SV2B: variants seen among roughly 807,000 people sequenced by gnomAD.
SV2B encodes the protein solute carrier family 22 member B2.
In SV2B, 41 loss-of-function variants were observed where a neutral mutation model predicts 73.9. The ratio of observed to expected loss-of-function variants is 0.56; its 90% CI spans 0.43 to 0.72. The LOEUF (loss-of-function observed/expected upper bound fraction) is 0.72. SV2B is among the 30% of genes least tolerant of loss of function. SV2B has a pLI of 0.00. For missense variants in SV2B, 764 were observed against 857.8 expected, an observed-to-expected ratio of 0.89 and a Z score of 1.37; for synonymous variants, 314 against 314.2, an observed-to-expected ratio of 1.00 and a Z score of 0.01.
Position 91,122,816 on chromosome 15 carries a change from G to A in SV2B, c.-392+22453G>A, listed in dbSNP as rs548576502. ...GGAATCTAAAAAAGTTGAGCTCATC[G>A]AAGTAGAGAGTGGAATGGTAGTTAC... On this transcript the variant is annotated intron_variant, in intron 1 of 12. Transcript: ENST00000394232. This position sits in a 1 kb window ranked among gnomAD's most constrained non-coding sequence, Gnocchi z 4.3. Among the ~76,000 whole-genome samples the A allele has an allele frequency of 3.3e-5, 5 of 152,308 alleles. No homozygotes were observed. Among genetic ancestry groups the A allele is most frequent in the African/African-American group, 9.6e-5 (4 of 41,560 alleles).
intron 1 of SV2B, among the ~76,000 whole-genome samples, chr15:91,206,201 C>CT (rs538615675): frequency 0.028 from 2,811 of 101,806 alleles, 139 homozygotes; most frequent in African/African-American, 0.057. Flanking sequence ...CCATGCCTGG[C>CT]TTTTTTTTTT....
At chr15:91,209,696 T>C (rs2045784823) in intron 1 of SV2B, among the ~76,000 whole-genome samples, 1 of 152,100 alleles carries the variant, frequency 6.6e-6, no homozygotes, top group Admixed American at 6.6e-5. Context: ...TCTCCAGGGG[T>C]ATGACGTTGG....
At chr15:91,135,175 T>C (rs896592857) in intron 1 of SV2B, among the ~76,000 whole-genome samples, 7 of 152,078 alleles carry the variant, frequency 4.6e-5, no homozygotes, top group Non-Finnish European at 1.0e-4. Context: ...ACTACAGATA[T>C]ACCGTGTATC....
At chr15:91,204,234 C>G (rs2045559396) in intron 1 of SV2B, among the ~76,000 whole-genome samples, 1 of 152,116 alleles carries the variant, frequency 6.6e-6, no homozygotes, top group South Asian at 2.1e-4. Flanking sequence ...GGGAGTCTAT[C>G]TGGTCTGGAG....
At chr15:91,194,931 G>A (rs1413127874) in intron 1 of SV2B, among the ~76,000 whole-genome samples, 6 of 152,028 alleles carry the variant, frequency 3.9e-5, no homozygotes, top group Non-Finnish European at 8.8e-5. Flanking sequence ...AGTTTGTCAC[G>A]TCCTCATTTC....
In SV2B at chr15:91,261,912, GT is replaced by G. The variant is rs2047921909; in HGVS notation, c.1008+1508del. On this transcript the variant is annotated intron_variant, in intron 6 of 12. Transcript: ENST00000394232. This position sits in a 1 kb window ranked among gnomAD's most constrained non-coding sequence, Gnocchi z 4.7. Reference sequence around the variant, plus strand: ...AGGCTATAGGCATCTTTGTGCACCCGTTTTTATAACTTCCCCTACTTCAAAT... The same window carrying G: ...AGGCTATAGGCATCTTTGTGCACCCGTTTTATAACTTCCCCTACTTCAAAT... Among the ~76,000 whole-genome samples the G allele has an allele frequency of 6.6e-6, 1 of 152,154 alleles. No individual in the cohort carries two copies. The highest frequency in any genetic ancestry group is 2.1e-4 in the South Asian group (1 of 4,836).
At chr15:91,186,590 T>C (rs2044780570) in intron 1 of SV2B, among the ~76,000 whole-genome samples, 1 of 152,190 alleles carries the variant, frequency 6.6e-6, no homozygotes, top group Non-Finnish European at 1.5e-5. Context: ...TAAGCAAGTT[T>C]TGGAAATGTG....
At chr15:91,131,665 A>C (rs1050581272) in intron 1 of SV2B, among the ~76,000 whole-genome samples, 4 of 152,006 alleles carry the variant, frequency 2.6e-5, no homozygotes, top group Non-Finnish European at 5.9e-5. Context: ...AAAAAAAACA[A>C]AAAAAACAAA....
intron 1 of SV2B, among the ~76,000 whole-genome samples, chr15:91,205,828 TAG>T (rs1480145359): frequency 6.6e-6 from 1 of 152,276 alleles, no homozygotes; most frequent in African/African-American, 2.4e-5. Flanking sequence ...GAATAAAGAA[TAG>T]AGAGTTCAGT....
At chr15:91,271,056 G>GTTGT (rs1472439921) in intron 9 of SV2B, among the ~76,000 whole-genome samples, 23 of 139,856 alleles carry the variant, frequency 1.6e-4, no homozygotes, top group African/African-American at 4.9e-4. Flanking sequence ...TGTGGATGAT[G>GTTGT]GGCAGACGGT....
At chr15:91,134,404 G>C (rs188204321) in intron 1 of SV2B, among the ~76,000 whole-genome samples, 1 of 152,284 alleles carries the variant, frequency 6.6e-6, no homozygotes, top group Non-Finnish European at 1.5e-5. Context: ...AGACCGCTGG[G>C]ATTCTAGGCC....
intron 2 of SV2B, among the ~76,000 whole-genome samples, chr15:91,228,416 CA>C (rs1264324286): frequency 6.6e-6 from 1 of 152,034 alleles, no homozygotes; most frequent in Non-Finnish European, 1.5e-5. Flanking sequence ...AAACAACCAA[CA>C]AAAACCAAAG....
chr15:91,238,638 T>C (rs1429039542), intron 2 of SV2B, among the ~76,000 whole-genome samples: 2 of 152,136 alleles, frequency 1.3e-5, no homozygotes, highest in African/African-American at 4.8e-5. Context: ...GAGAGAGGGA[T>C]GTTGTTTGTG....
intron 11 of SV2B, among the ~76,000 whole-genome samples, chr15:91,286,462 G>A (rs1163170109): frequency 6.6e-6 from 1 of 152,162 alleles, no homozygotes; most frequent in Non-Finnish European, 1.5e-5. Context: ...TTATGCAGTA[G>A]TTATTCTCTC....
Position 91,139,168 on chromosome 15 carries a change from C to T in SV2B, c.-392+38805C>T, listed in dbSNP as rs2042929756. On this transcript the variant is annotated intron_variant, in intron 1 of 12. Transcript: ENST00000394232. The surrounding 1 kb of genome is among the most constrained non-coding windows in gnomAD (Gnocchi z 5.2). ...TAAAATCATATGATGTTGGGCTGTG[C>T]TTCACAATCATCCAATGGTGGTGTG... Among the ~76,000 whole-genome samples the T allele has an allele frequency of 6.6e-6, 1 of 152,074 alleles. No homozygotes were observed. The highest frequency in any genetic ancestry group is 2.4e-5 in the African/African-American group (1 of 41,374).
intron 1 of SV2B, among the ~76,000 whole-genome samples, chr15:91,202,623 C>T (rs1292042231): frequency 1.3e-5 from 2 of 152,116 alleles, no homozygotes; most frequent in Non-Finnish European, 2.9e-5. Flanking sequence ...TACCTGGGTT[C>T]CCTGGGAAGC....
In SV2B at chr15:91,284,227, T is replaced by G; in HGVS notation, c.1708+6T>G. ...TGGAAGGCTCAAGATGATTGGTGAG[T>G]TGCCAGCAGGGTCATTCCTGGGTTC... On this transcript the variant is annotated splice_donor_region_variant and intron_variant, in intron 11 of 12. Transcript: ENST00000394232. This position sits in a 1 kb window ranked among gnomAD's most constrained non-coding sequence, Gnocchi z 4.5. 1 of 1,614,066 alleles carries G rather than the reference T, an allele frequency of 6.2e-7. No individual in the cohort carries two copies. Among genetic ancestry groups the G allele is most frequent in the Non-Finnish European group, 8.5e-7 (1 of 1,179,950 alleles).
Position 91,270,527 on chromosome 15 carries a change from AT to A in SV2B, c.1373+1924del, listed in dbSNP as rs1250159789. ...TCTTGACAACTACAAATATTTTCTC[AT>A]TGGGAAACTCTTCATTCCTACAGAG... On this transcript the variant is annotated intron_variant, in intron 9 of 12. Coordinates refer to ENST00000394232, the MANE Select transcript of SV2B (RefSeq NM_001323032.3). Among the ~76,000 whole-genome samples the A allele has an allele frequency of 3.9e-5, 6 of 152,316 alleles. No homozygotes were observed. The Middle Eastern group carries it at 0.014, about 345-fold the overall frequency.
At chr15:91,262,490 G>T (rs2141660777) in intron 6 of SV2B, among the ~76,000 whole-genome samples, 1 of 152,154 alleles carries the variant, frequency 6.6e-6, no homozygotes, top group East Asian at 1.9e-4. Flanking sequence ...TAGGTTCGGG[G>T]TACATGTGCA....
Sources: gnomAD v4.1 joint callset for allele counts (sites outside exome capture counted in the v4.1 genomes callset) on GRCh38, gnomAD v4.1.1 for gene constraint, Gnocchi (gnomAD v3.1) non-coding constraint, MANE v1.5 for transcripts, NCBI Gene and HGNC (gene_info 2026-07-23, HGNC 2026-07-21) for gene names.